The following PTPRD variants were observed in gnomAD, a reference collection of about 807,000 sequenced individuals.
The protein encoded by PTPRD is protein tyrosine phosphatase receptor type D, also known as receptor-type tyrosine-protein phosphatase delta.
In PTPRD, 34 loss-of-function variants were observed where a neutral mutation model predicts 214.5. The ratio of observed to expected loss-of-function variants is 0.16; its 90% CI spans 0.12 to 0.21. PTPRD has a LOEUF of 0.21. PTPRD is among the 10% of genes least tolerant of loss of function. The pLI is 1.00. For synonymous variants in PTPRD, 1,128 were observed against 845.7 expected (o/e 1.33, Z -5.79); for missense variants, 2,545 against 2,398.7 (o/e 1.06, Z -1.27).
intron 12 of PTPRD, among the ~76,000 whole-genome samples, chr9:8,719,874 A>C (rs2098474009): frequency 6.6e-6 from 1 of 152,010 alleles, no homozygotes; most frequent in East Asian, 1.9e-4. Flanking sequence ...AAAAAAAAAA[A>C]CCTTGCATTT....
intron 4 of PTPRD, among the ~76,000 whole-genome samples, chr9:10,023,397 C>T (rs531164035): frequency 1.3e-5 from 2 of 152,286 alleles, no homozygotes; most frequent in South Asian, 2.1e-4. Flanking sequence ...AAAGCAAGGA[C>T]TCCTGTCCGT....
At chr9:9,821,556 T>C (rs1001526580) in intron 5 of PTPRD, among the ~76,000 whole-genome samples, 1 of 152,178 alleles carries the variant, frequency 6.6e-6, no homozygotes, top group Non-Finnish European at 1.5e-5. Flanking sequence ...ATATAAGATA[T>C]AGATAAATAT....
At chr9:8,653,946 T>C (rs2096861682) in intron 12 of PTPRD, among the ~76,000 whole-genome samples, 1 of 152,188 alleles carries the variant, frequency 6.6e-6, no homozygotes. Flanking sequence ...ATCAGCACCT[T>C]CACTCTCTTC....
chr9:8,503,845 G>A (rs1265785794), intron 23 of PTPRD, among the ~76,000 whole-genome samples: 2 of 152,146 alleles, frequency 1.3e-5, no homozygotes, highest in Admixed American at 1.3e-4. Flanking sequence ...CAAAGCTAAA[G>A]CCTGTGTGCT....
chr9:9,933,513 A>G (rs1452534646), intron 5 of PTPRD, among the ~76,000 whole-genome samples: 1 of 151,818 alleles, frequency 6.6e-6, no homozygotes, highest in Non-Finnish European at 1.5e-5. Flanking sequence ...GGATCAATTC[A>G]ACAAGAAGAG....
At chr9:9,079,719 G>A (rs1434629504) in intron 10 of PTPRD, among the ~76,000 whole-genome samples, 1 of 151,996 alleles carries the variant, frequency 6.6e-6, no homozygotes, top group Admixed American at 6.6e-5. Context: ...AACACTTTAG[G>A]GAGGGGATCA....
At chr9:9,188,645 T>C (rs939760337) in intron 9 of PTPRD, among the ~76,000 whole-genome samples, 2 of 152,028 alleles carry the variant, frequency 1.3e-5, no homozygotes, top group Middle Eastern at 3.2e-3. Context: ...AGAAGAATGA[T>C]GGTTGTGCCA....
chr9:9,719,202 G>C (rs1320397940), intron 7 of PTPRD, among the ~76,000 whole-genome samples: 2 of 152,266 alleles, frequency 1.3e-5, no homozygotes, highest in East Asian at 1.9e-4. Flanking sequence ...CCTGCAGATA[G>C]GAGCTACCCA....
At chr9:8,416,398 T>C (rs969148156) in intron 35 of PTPRD, among the ~76,000 whole-genome samples, 3 of 152,198 alleles carry the variant, frequency 2.0e-5, no homozygotes, top group African/African-American at 7.2e-5. Context: ...TTTTATTTCC[T>C]TATGTTTACT....
chr9:8,704,109 A>G lies in PTPRD; in HGVS notation c.64+29671T>C, dbSNP rs113424227. On this transcript the variant is annotated intron_variant, in intron 12 of 45. Coordinates refer to ENST00000381196, the MANE Select transcript of PTPRD (RefSeq NM_002839.4). ...TTCTCTCCAATTCCACAGCCACCAT[A>G]AGAGTAGGGGCCAGCATTCTCTCTC... Among the ~76,000 whole-genome samples, 751 of 152,220 alleles carry G rather than the reference A, an allele frequency of 4.9e-3. 8 individuals are homozygous for G. Among genetic ancestry groups the G allele is most frequent in the African/African-American group, 0.017 (715 of 41,548 alleles).
intron 12 of PTPRD, among the ~76,000 whole-genome samples, chr9:8,660,770 T>A (rs2097026602): frequency 6.6e-6 from 1 of 152,180 alleles, no homozygotes; most frequent in Non-Finnish European, 1.5e-5. Context: ...AGGTTTTATA[T>A]ACAAGGACTC....
chr9:10,302,521 T>C (rs781248541), intron 3 of PTPRD, among the ~76,000 whole-genome samples: 8 of 152,174 alleles, frequency 5.3e-5, no homozygotes, highest in Non-Finnish European at 1.2e-4. Flanking sequence ...GGGAGACCCA[T>C]CTCACGTGCA....
At chr9:9,100,036 G>A (rs1213690816) in intron 10 of PTPRD, among the ~76,000 whole-genome samples, 2 of 152,076 alleles carry the variant, frequency 1.3e-5, no homozygotes, top group Non-Finnish European at 2.9e-5. Context: ...CATTAAAAGA[G>A]TCATACAAAA....
intron 33 of PTPRD, among the ~76,000 whole-genome samples, chr9:8,459,001 C>G (rs1163345861): frequency 9.2e-5 from 14 of 152,046 alleles, no homozygotes; most frequent in Non-Finnish European, 1.5e-4. Context: ...TCTCAACCCT[C>G]TCTTAATGCT....
chr9:8,967,897 T>C (rs972410595), intron 11 of PTPRD, among the ~76,000 whole-genome samples: 2 of 152,052 alleles, frequency 1.3e-5, no homozygotes, highest in South Asian at 2.1e-4. Context: ...AAGCTATCCC[T>C]CCTCCCTCCC....
chr9:9,125,439 TCCCACAGTAC>T (rs1276826587), intron 10 of PTPRD, among the ~76,000 whole-genome samples: 1 of 152,148 alleles, frequency 6.6e-6, no homozygotes, highest in Non-Finnish European at 1.5e-5. Flanking sequence ...CTTTCTTTCT[TCCCACAGTAC>T]CTGTGCTTAC....
At position 8,342,983 on chromosome 9, in the gene PTPRD, G is replaced by T. The variant is rs545175141; in HGVS notation, c.4662-1005C>A. On this transcript the variant is annotated intron_variant, in intron 39 of 45. Transcript: ENST00000381196. ...GGATGGCTTTGGTAATCACACTGCT[G>T]GCTCTGGGAGCTACATGTGAAATTT... is the stretch of plus-strand genomic sequence containing the variant. Among the ~76,000 whole-genome samples, 4 of 152,152 alleles carry T rather than the reference G, an allele frequency of 2.6e-5. No individual in the cohort carries two copies. In the East Asian group the frequency reaches 5.8e-4, roughly 22 times the overall value.
chr9:9,103,214 G>C (rs2099793681), intron 10 of PTPRD, among the ~76,000 whole-genome samples: 1 of 152,018 alleles, frequency 6.6e-6, no homozygotes. Context: ...ATTTTCTAAT[G>C]TCTTACTTCC....
intron 5 of PTPRD, among the ~76,000 whole-genome samples, chr9:9,874,533 C>T (rs1600520172): frequency 6.6e-6 from 1 of 152,118 alleles, no homozygotes; most frequent in Non-Finnish European, 1.5e-5. Flanking sequence ...AGACCTAAAA[C>T]AGGTGCTAGA....
Sources: allele counts gnomAD v4.1 joint callset (sites outside exome capture counted in the v4.1 genomes callset), GRCh38; gene constraint gnomAD v4.1.1; transcripts MANE v1.5; gene names NCBI Gene and HGNC (gene_info 2026-07-23, HGNC 2026-07-21).